The following ZNF469 variants were observed in gnomAD, a reference collection of about 807,000 sequenced individuals.
ZNF469 encodes the protein zinc finger protein 469.
Under a neutral mutation model 1.0 loss-of-function variants are expected in ZNF469, and 1 was observed. That is an observed-to-expected ratio of 1.00 (90% CI 0.35 to 4.73). The LOEUF (loss-of-function observed/expected upper bound fraction) is 4.73. Ranked by LOEUF, ZNF469 falls within the 30% of genes most tolerant of loss-of-function variation. The probability of loss-of-function intolerance (pLI) is 0.16; values close to 1 mark genes in which losing one functional copy is unlikely to be tolerated. For synonymous variants in ZNF469, 2,703 were observed against 2,363.4 expected, an observed-to-expected ratio of 1.14 and a Z score of -4.17; for missense variants, 6,100 against 5,356.3, an observed-to-expected ratio of 1.14 and a Z score of -4.33.
At chr16:88,402,814 T>G (rs1904920625) in intron 1 of ZNF469, among the ~76,000 whole-genome samples, 1 of 152,166 alleles carries the variant, frequency 6.6e-6, no homozygotes, top group South Asian at 2.1e-4. Flanking sequence ...CTTATGCACT[T>G]CATCTTACCA....
At chr16:88,380,924 A>ATGCACT (rs1385400160), upstream of ZNF469, among the ~76,000 whole-genome samples, 1 of 50,188 alleles carries the variant, frequency 2.0e-5, no homozygotes, top group African/African-American at 3.0e-4. Context: ...ATGCACTCAC[A>ATGCACT]CAGACACGCA....
chr16:88,235,306 T>C, the ZNF469 span, among the ~76,000 whole-genome samples: 1 of 152,286 alleles, frequency 6.6e-6, no homozygotes, highest in Admixed American at 6.5e-5. Context: ...TTTTAACGGC[T>C]CATTTCTTTG....
At chr16:88,187,369 G>A in the ZNF469 span, among the ~76,000 whole-genome samples, 1 of 152,220 alleles carries the variant, frequency 6.6e-6, no homozygotes, top group Admixed American at 6.5e-5. Flanking sequence ...TCTATTAACA[G>A]CAAAATTCTC....
the ZNF469 span, among the ~76,000 whole-genome samples, chr16:88,258,211 G>GGT: frequency 1.9e-3 from 291 of 151,340 alleles, no homozygotes; most frequent in African/African-American, 5.9e-3. Context: ...ACAGAGAAAG[G>GGT]GTGTGTGTGT....
chr16:88,429,750 C>G lies in ZNF469; in HGVS notation c.2280C>G (p.Ala760=). Residue 760 remains alanine, a synonymous_variant, in exon 3 of 3, where the codon GCC becomes GCG. Coordinates refer to ENST00000565624, the MANE Select transcript of ZNF469 (RefSeq NM_001367624.2). ...RQFCGLLLAR[A]KDGHQRSPGP... ...TCTGTGGCCTGCTCCTGGCCAGGGC[C>G]AAGGATGGCCACCAGCGGTCTCCAG... 6.5e-7 allele frequency: 1 copy of G among 1,544,728 alleles called. No homozygotes were observed.
At chr16:88,312,433 A>G in the ZNF469 span, among the ~76,000 whole-genome samples, 4 of 152,096 alleles carry the variant, frequency 2.6e-5, no homozygotes, top group Non-Finnish European at 5.9e-5. Flanking sequence ...TTGTTTCTTT[A>G]ATCCCCTGTT....
At chr16:88,359,337 CT>C in the ZNF469 span, among the ~76,000 whole-genome samples, 1 of 151,842 alleles carries the variant, frequency 6.6e-6, no homozygotes, top group African/African-American at 2.4e-5. Flanking sequence ...CTATTGTCTG[CT>C]TCTGAGCGTC....
the ZNF469 span, among the ~76,000 whole-genome samples, chr16:88,340,519 C>A: frequency 6.6e-6 from 1 of 152,192 alleles, no homozygotes; most frequent in Non-Finnish European, 1.5e-5. Context: ...ATGGGTCAGG[C>A]CCACAAGAAG....
At chr16:88,307,261 G>A in the ZNF469 span, among the ~76,000 whole-genome samples, 1 of 152,248 alleles carries the variant, frequency 6.6e-6, no homozygotes, top group African/African-American at 2.4e-5. Context: ...TGATGGAAGT[G>A]TGGGCTGTTT....
the ZNF469 span, among the ~76,000 whole-genome samples, chr16:88,338,040 A>G: frequency 1.3e-5 from 2 of 152,212 alleles, no homozygotes; most frequent in Admixed American, 1.3e-4. Flanking sequence ...TCGGTGACAC[A>G]TCTACGAAAA....
At chr16:88,214,446 T>C in the ZNF469 span, among the ~76,000 whole-genome samples, 3 of 150,728 alleles carry the variant, frequency 2.0e-5, no homozygotes, top group South Asian at 6.4e-4. Context: ...TGTAGATTTG[T>C]CTACCTCTCC....
chr16:88,396,986 C>CT (rs1467618897), intron 1 of ZNF469, among the ~76,000 whole-genome samples: 1 of 137,056 alleles, frequency 7.3e-6, no homozygotes, highest in East Asian at 2.1e-4. Context: ...GGAGACCCTC[C>CT]TGAAGGGAGG....
the ZNF469 span, among the ~76,000 whole-genome samples, chr16:88,249,235 AAAG>A: frequency 6.7e-5 from 10 of 148,870 alleles, no homozygotes; most frequent in South Asian, 1.1e-3. Flanking sequence ...TTAAAAAAAA[AAAG>A]AAAGAAAGAA....
the ZNF469 span, among the ~76,000 whole-genome samples, chr16:88,337,956 G>A: frequency 6.6e-6 from 1 of 152,164 alleles, no homozygotes; most frequent in East Asian, 1.9e-4. Flanking sequence ...TTTCTCAATG[G>A]TGTCCTTTGA....
chr16:88,107,919 C>A, the ZNF469 span, among the ~76,000 whole-genome samples: 1 of 152,354 alleles, frequency 6.6e-6, no homozygotes, highest in African/African-American at 2.4e-5. Flanking sequence ...GCAGCCCAGG[C>A]GCCTGGTAAT....
chr16:88,405,337 G>A (rs1005953232), intron 1 of ZNF469, among the ~76,000 whole-genome samples: 2 of 152,154 alleles, frequency 1.3e-5, no homozygotes, highest in African/African-American at 4.8e-5. Context: ...TAAAATATTA[G>A]AAGTGCACGA....
At chr16:88,170,894 C>T in the ZNF469 span, among the ~76,000 whole-genome samples, 5 of 150,406 alleles carry the variant, frequency 3.3e-5, no homozygotes, top group African/African-American at 5.0e-5. This position sits in a 1 kb window ranked among gnomAD's most constrained non-coding sequence, Gnocchi z 4.2. Flanking sequence ...CAAGTGTTGC[C>T]GCTCCACACC....
chr16:88,330,767 A>G, the ZNF469 span, among the ~76,000 whole-genome samples: 1 of 152,172 alleles, frequency 6.6e-6, no homozygotes, highest in East Asian at 1.9e-4. Context: ...GTGACAGGCC[A>G]GCCACTGCCG....
At chr16:88,134,618 A>C in the ZNF469 span, among the ~76,000 whole-genome samples, 21 of 152,340 alleles carry the variant, frequency 1.4e-4, no homozygotes, top group African/African-American at 5.0e-4. Flanking sequence ...CGGATGTCCA[A>C]GTAGCTCCTA....
Sources: allele counts gnomAD v4.1 joint callset (sites outside exome capture counted in the v4.1 genomes callset), GRCh38; gene constraint gnomAD v4.1.1; non-coding constraint Gnocchi (gnomAD v3.1); transcripts MANE v1.5; gene names NCBI Gene and HGNC (gene_info 2026-07-23, HGNC 2026-07-21).